Variants in TFB1M observed in about 807,000 individuals in gnomAD.
The protein encoded by TFB1M is dimethyladenosine transferase 1, mitochondrial.
In TFB1M, 27 loss-of-function variants were observed where a neutral mutation model predicts 31.1. The ratio of observed to expected loss-of-function variants is 0.87; its 90% CI spans 0.64 to 1.20. TFB1M has a LOEUF of 1.20. Ranked by LOEUF, TFB1M falls within the 50% of genes most tolerant of loss-of-function variation. The pLI, the probability that TFB1M is intolerant of heterozygous loss-of-function variation, is 0.00. For missense variants in TFB1M, 394 were observed against 418.7 expected, an observed-to-expected ratio of 0.94 and a Z score of 0.51; for synonymous variants, 166 against 151.8, an observed-to-expected ratio of 1.09 and a Z score of -0.69.
intron 5 of TFB1M, among the ~76,000 whole-genome samples, chr6:155,261,712 GT>G (rs1252251686): frequency 6.6e-6 from 1 of 152,094 alleles, no homozygotes; most frequent in African/African-American, 2.4e-5. Context: ...GTCCCCGAAG[GT>G]TTCAGGTCAG....
intron 5 of TFB1M, among the ~76,000 whole-genome samples, chr6:155,277,550 G>C (rs991634275): frequency 6.6e-6 from 1 of 152,132 alleles, no homozygotes; most frequent in Non-Finnish European, 1.5e-5. Context: ...TATATTTTAC[G>C]TAAGTAAATA....
At position 155,296,968 on chromosome 6, in the gene TFB1M, T is replaced by C. The variant is rs1294492458; in HGVS notation, c.531A>G (p.Gln177=). 4.0e-5 allele frequency: 64 copies of C among 1,613,868 alleles called. No homozygotes were observed. The Admixed American group carries it at 1.0e-3, about 25-fold the overall frequency. The change falls in exon 4 of 7, where the codon CAA becomes CAG. Residue 177 remains glutamine (Q), a synonymous_variant. Transcript: ENST00000367166. ...YGRTQMTLTF[Q]KEVAERLAAN... Reference sequence around the variant, plus strand: ...TAAAACTTACCTCTGCCACTTCCTTTTGAAAAGTCAAAGTCATCTGAGTTC... The same window carrying C: ...TAAAACTTACCTCTGCCACTTCCTTCTGAAAAGTCAAAGTCATCTGAGTTC...
At chr6:155,253,714 C>T (rs1327970760), downstream of TFB1M, 1 of 375,042 alleles carries the variant, frequency 2.7e-6, no homozygotes, top group African/African-American at 2.1e-5. Context: ...CTCCTCTTCC[C>T]CAGAGAGGGG....
At chr6:155,276,424 G>A (rs1296877519) in intron 5 of TFB1M, 2 of 1,518,756 alleles carry the variant, frequency 1.3e-6, no homozygotes, top group African/African-American at 1.4e-5. Context: ...GGTGCCAAAT[G>A]GGACTTTTAG....
intron 5 of TFB1M, among the ~76,000 whole-genome samples, chr6:155,265,357 A>G (rs189768595): frequency 2.0e-5 from 3 of 152,362 alleles, no homozygotes; most frequent in African/African-American, 7.2e-5. Context: ...TAATATTATT[A>G]AAAGACTGAG....
chr6:155,267,494 T>C (rs1238569592), intron 5 of TFB1M, among the ~76,000 whole-genome samples: 1 of 152,212 alleles, frequency 6.6e-6, no homozygotes, highest in African/African-American at 2.4e-5. Context: ...ATGTGTTGTT[T>C]TGAAAGAAAG....
chr6:155,237,419 G>A, the TFB1M span, among the ~76,000 whole-genome samples: 4 of 152,232 alleles, frequency 2.6e-5, no homozygotes, highest in African/African-American at 9.6e-5. Flanking sequence ...GATGTCAGTG[G>A]ATCTGGGCTC....
the TFB1M span, chr6:155,244,016 GA>G: frequency 6.2e-7 from 1 of 1,613,930 alleles, no homozygotes; most frequent in Admixed American, 1.7e-5. Context: ...TTCAGGATTT[GA>G]GCTGCCTCTT....
At chr6:155,251,546 T>C (rs963113053), downstream of TFB1M, among the ~76,000 whole-genome samples, 3 of 152,108 alleles carry the variant, frequency 2.0e-5, no homozygotes, top group East Asian at 5.8e-4. Context: ...CTCAGCCTCC[T>C]GGAGTGCTGG....
downstream of TFB1M, chr6:155,254,100 C>T (rs374401407): frequency 4.4e-6 from 7 of 1,580,050 alleles, no homozygotes; most frequent in Non-Finnish European, 6.1e-6. Flanking sequence ...ACAGAAATAA[C>T]ATAGAATTAT....
At chr6:155,261,691 T>C (rs957509137) in intron 5 of TFB1M, among the ~76,000 whole-genome samples, 1 of 151,934 alleles carries the variant, frequency 6.6e-6, no homozygotes, top group Non-Finnish European at 1.5e-5. Context: ...ATTTAAACAA[T>C]CAATGAGCCT....
intron 4 of TFB1M, among the ~76,000 whole-genome samples, chr6:155,296,258 T>G (rs1777166664): frequency 2.0e-5 from 3 of 151,848 alleles, no homozygotes; most frequent in African/African-American, 7.3e-5. Context: ...GATTATCACA[T>G]TCTTCCCGCA....
intron 5 of TFB1M, among the ~76,000 whole-genome samples, chr6:155,271,457 C>G (rs1784911206): frequency 6.6e-6 from 1 of 152,182 alleles, no homozygotes; most frequent in African/African-American, 2.4e-5. Context: ...CAAGAAAACT[C>G]AGGGCACCAC....
intron 4 of TFB1M, among the ~76,000 whole-genome samples, chr6:155,288,736 C>G (rs1188067448): frequency 6.6e-6 from 1 of 152,164 alleles, no homozygotes; most frequent in Non-Finnish European, 1.5e-5. Context: ...TAGAAAAAAG[C>G]AGCACACATA....
the TFB1M span, among the ~76,000 whole-genome samples, chr6:155,247,182 C>T: frequency 0.34 from 51,993 of 152,114 alleles, 9,663 homozygotes; most frequent in Middle Eastern, 0.51. Context: ...GGAGAAAAGA[C>T]ACTGCTTTCC....
At position 155,297,768 on chromosome 6, in the gene TFB1M, T is replaced by C. The variant is rs529765747; in HGVS notation, c.395-664A>G. ...TGGGAGAACTCAGTCAGATAAGGTT[T>C]GAAACAGGTAATGAGGAAGGCATTG... is the stretch of plus-strand genomic sequence containing the variant. On this transcript the variant is annotated intron_variant, in intron 3 of 6. Transcript: ENST00000367166. 9.2e-5 allele frequency among the ~76,000 whole-genome samples: 14 copies of C among 152,332 alleles called. No homozygotes were observed. The South Asian group carries it at 2.5e-3, about 27-fold the overall frequency.
chr6:155,306,100 G>T (rs1183605242), intron 2 of TFB1M, among the ~76,000 whole-genome samples: 1 of 152,018 alleles, frequency 6.6e-6, no homozygotes, highest in East Asian at 1.9e-4. Context: ...CACATCGTAT[G>T]TCCAGTATTA....
chr6:155,251,512 C>G (rs760360713), downstream of TFB1M, among the ~76,000 whole-genome samples: 21 of 152,256 alleles, frequency 1.4e-4, no homozygotes, highest in Non-Finnish European at 2.2e-4. Flanking sequence ...GTCTCGAACT[C>G]CTGACCTCAG....
the TFB1M span, among the ~76,000 whole-genome samples, chr6:155,234,488 G>C: frequency 6.6e-6 from 1 of 152,154 alleles, no homozygotes; most frequent in Admixed American, 6.5e-5. Context: ...GGATAGTCTT[G>C]ACCTCCTGGG....
Sources: gnomAD v4.1 joint callset for allele counts (sites outside exome capture counted in the v4.1 genomes callset) on GRCh38, gnomAD v4.1.1 for gene constraint, MANE v1.5 for transcripts, NCBI Gene and HGNC (gene_info 2026-07-23, HGNC 2026-07-21) for gene names.